Variants in CRISPLD2 observed in about 807,000 individuals in gnomAD.
The protein encoded by CRISPLD2 is cysteine rich secretory protein LCCL domain containing 2.
In CRISPLD2, 47 loss-of-function variants were observed where a neutral mutation model predicts 71.1. That is an observed-to-expected ratio of 0.66 (90% CI 0.52 to 0.84). The LOEUF (loss-of-function observed/expected upper bound fraction) is 0.84. Among genes scored for constraint, CRISPLD2 ranks in the 40% least tolerant of loss-of-function variants. The probability of loss-of-function intolerance (pLI) is 0.00; values close to 1 mark genes in which losing one functional copy is unlikely to be tolerated. For missense variants in CRISPLD2, 830 were observed against 651.1 expected (o/e 1.27, Z -2.99); for synonymous variants, 317 against 250.1 (o/e 1.27, Z -2.52).
intron 3 of CRISPLD2, among the ~76,000 whole-genome samples, chr16:84,848,100 C>T (rs905506057): frequency 2.0e-5 from 3 of 152,196 alleles, no homozygotes; most frequent in African/African-American, 7.2e-5. Flanking sequence ...CAAAAGAGCC[C>T]CTGACTCTGC....
Position 84,875,012 on chromosome 16 carries a change from G to A in CRISPLD2, c.1156+1049G>A, listed in dbSNP as rs9922294. On this transcript the variant is annotated intron_variant, in intron 11 of 14. Transcript: ENST00000262424. ...TCTCAGCACTTTGGGAGACTGAGGC[G>A]GGAGGATTGCTTGAGCCCAGGAGTT... 5.0e-3 allele frequency among the ~76,000 whole-genome samples: 763 copies of A among 152,240 alleles called. 8 individuals carry two copies. Among genetic ancestry groups the A allele is most frequent in the African/African-American group, 0.017 (713 of 41,536 alleles).
chr16:84,854,166 G>C (rs781248399), intron 5 of CRISPLD2, among the ~76,000 whole-genome samples: 39 of 152,182 alleles, frequency 2.6e-4, no homozygotes, highest in Non-Finnish European at 5.3e-4. Context: ...CTGTGACCTG[G>C]GGCAAGTCAC....
In CRISPLD2 at chr16:84,838,446, A is replaced by C; in HGVS notation, c.-50A>C. On this transcript the variant is annotated 5_prime_UTR_variant, in exon 2 of 15. Coordinates refer to ENST00000262424, the MANE Select transcript of CRISPLD2 (RefSeq NM_031476.4). Reference sequence around the variant, plus strand: ...GAGCTCAAGCGCCCAGCTCTGCCCGAGGAGCCCAGGCTGCCCCGTGAGTCC... The same window carrying C: ...GAGCTCAAGCGCCCAGCTCTGCCCGCGGAGCCCAGGCTGCCCCGTGAGTCC... 1 of 1,587,778 alleles carries C rather than the reference A, an allele frequency of 6.3e-7. No homozygotes were observed. The highest frequency in any genetic ancestry group is 1.1e-5 in the South Asian group (1 of 87,070).
intron 3 of CRISPLD2, among the ~76,000 whole-genome samples, chr16:84,846,539 C>G (rs1323141227): frequency 6.6e-6 from 1 of 152,174 alleles, no homozygotes; most frequent in Non-Finnish European, 1.5e-5. Context: ...CAGGCATGAG[C>G]CACCGCGCCT....
rs758975856 is a variant in CRISPLD2 at position 84,880,615 on chromosome 16, C to G, written c.1305+31C>G. The G allele has an allele frequency of 4.4e-6, 7 of 1,588,894 alleles. No individual in the cohort carries two copies. The South Asian group carries it at 4.4e-5, about 10-fold the overall frequency. Reference sequence around the variant, plus strand: ...TAGGATGCATTTTCAACAACTATCTCGCAAAGCCTGTTAAAGACCTCAACA... The same window carrying G: ...TAGGATGCATTTTCAACAACTATCTGGCAAAGCCTGTTAAAGACCTCAACA... On this transcript the variant is annotated intron_variant, in intron 13 of 14. Transcript: ENST00000262424.
chr16:84,882,580 T>C (rs1341607068), intron 13 of CRISPLD2, among the ~76,000 whole-genome samples: 2 of 152,102 alleles, frequency 1.3e-5, no homozygotes, highest in East Asian at 3.9e-4. Flanking sequence ...AATTTTTGTA[T>C]TTTTAGTAGA....
Position 84,873,934 on chromosome 16 carries a change from C to G in CRISPLD2, c.1127C>G (p.Ser376Cys), listed in dbSNP as rs1363266347. The G allele has an allele frequency of 1.5e-5, 23 of 1,579,416 alleles. No homozygotes were observed. The highest frequency in any genetic ancestry group is 1.9e-5 in the Non-Finnish European group (22 of 1,160,964). ...TTTTTAAACAGCAAATACAAACCTT[C>G]CAGCTCATTCATGGTGTCAAAAGTG... ...GVQSLSKYKP[S>C]SSFMVSKVKV... The change falls in exon 11 of 15, where the codon TCC (serine) becomes TGC (cysteine). Residue 376 changes from serine (S) to cysteine (C), a missense_variant. Transcript: ENST00000262424.
intron 2 of CRISPLD2, chr16:84,842,101 CT>C (rs917556168): frequency 6.5e-6 from 1 of 152,700 alleles, no homozygotes; most frequent in Non-Finnish European, 1.5e-5. Flanking sequence ...GGCTTTCTGT[CT>C]TTCTCCAAGC....
In CRISPLD2 at chr16:84,849,016, T is replaced by G. The variant is rs1200380390; in HGVS notation, c.360-369T>G. 8.6e-5 allele frequency among the ~76,000 whole-genome samples: 13 copies of G among 151,066 alleles called. No homozygotes were observed. In the South Asian group the frequency reaches 2.7e-3, roughly 32 times the overall value. ...AAAAAAAAAAAAAGAAAGGACTCAT[T>G]AAGAGCCAGGTGAAGAGATTCCTGC... On this transcript the variant is annotated intron_variant, in intron 3 of 14. Coordinates refer to ENST00000262424, the MANE Select transcript of CRISPLD2 (RefSeq NM_031476.4).
chr16:84,858,602 T>A (rs1184769199), intron 6 of CRISPLD2, among the ~76,000 whole-genome samples: 1 of 152,216 alleles, frequency 6.6e-6, no homozygotes, highest in Non-Finnish European at 1.5e-5. Flanking sequence ...CTGGATCCAA[T>A]CAGCAAAATG....
intron 14 of CRISPLD2, among the ~76,000 whole-genome samples, chr16:84,894,709 T>C (rs1421851685): frequency 6.6e-6 from 1 of 152,330 alleles, no homozygotes; most frequent in Non-Finnish European, 1.5e-5. Context: ...ATGTAATCAA[T>C]AGAAAATTAT....
intron 14 of CRISPLD2, among the ~76,000 whole-genome samples, chr16:84,900,360 G>A (rs1439402683): frequency 6.6e-6 from 1 of 152,120 alleles, no homozygotes; most frequent in African/African-American, 2.4e-5. Flanking sequence ...TCCAATCTGG[G>A]GGCTCTCTTT....
In CRISPLD2 at chr16:84,849,546, C is replaced by A. The variant is rs769215026; in HGVS notation, c.492+29C>A. 5.6e-6 allele frequency: 9 copies of A among 1,607,164 alleles called. No individual in the cohort carries two copies. In the South Asian group the frequency reaches 7.7e-5, roughly 14 times the overall value. On this transcript the variant is annotated intron_variant, in intron 4 of 14. Transcript: ENST00000262424. ...ACTCGGGGACTTGCCACGACCTCAGCCCTGCCCCCCAATCCCAGTCATTCA... is the reference window on the plus strand; with the variant it reads ...ACTCGGGGACTTGCCACGACCTCAGACCTGCCCCCCAATCCCAGTCATTCA...
At position 84,868,909 on chromosome 16, in the gene CRISPLD2, C is replaced by T; in HGVS notation, c.912C>T (p.Asn304=). The T allele has an allele frequency of 6.2e-7, 1 of 1,606,734 alleles. No individual in the cohort carries two copies. The highest frequency in any genetic ancestry group is 1.7e-5 in the Admixed American group (1 of 58,804). The change falls in exon 8 of 15, where the codon AAC becomes AAT. Residue 304 remains asparagine (N), a splice_region_variant and synonymous_variant. Transcript: ENST00000262424. Reference sequence around the variant, plus strand: ...ACAGGTGCAAAGGGTCCACGTGTAACAGGTGAGCCTGTGCTGGGCTGTCCT... The same window carrying T: ...ACAGGTGCAAAGGGTCCACGTGTAATAGGTGAGCCTGTGCTGGGCTGTCCT... ...MKDRCKGSTC[N]RYQCPAGCLN... is the part of the protein sequence containing the mutation.
At chr16:84,839,300 C>T (rs986293377) in intron 2 of CRISPLD2, 11 of 262,930 alleles carry the variant, frequency 4.2e-5, no homozygotes, top group Non-Finnish European at 6.8e-5. Context: ...CAGCTCTCAG[C>T]CTTTCCCACC....
chr16:84,901,364 A>T (rs1784460713), intron 14 of CRISPLD2, among the ~76,000 whole-genome samples: 1 of 151,500 alleles, frequency 6.6e-6, no homozygotes, highest in Non-Finnish European at 1.5e-5. Context: ...TGAGAGGGAG[A>T]GTGTTTTTTG....
intron 8 of CRISPLD2, 150 bp downstream of exon 8, chr16:84,869,061 G>A: frequency 1.5e-6 from 1 of 660,944 alleles, no homozygotes. Flanking sequence ...GTTAGGGCTG[G>A]GCAGTGTCTG....
intron 6 of CRISPLD2, among the ~76,000 whole-genome samples, chr16:84,864,563 C>A (rs1917484302): frequency 6.6e-6 from 1 of 152,216 alleles, no homozygotes; most frequent in African/African-American, 2.4e-5. Flanking sequence ...CCTGAAGCTT[C>A]CACCCATAGC....
rs764140927 is a variant in CRISPLD2 at position 84,872,509 on chromosome 16, G to GT, written c.981+2dup. 26 of 1,613,138 alleles carry GT rather than the reference G, an allele frequency of 1.6e-5. No homozygotes were observed. The highest frequency in any genetic ancestry group is 2.2e-5 in the Non-Finnish European group (26 of 1,179,344). On this transcript the variant is annotated splice_donor_variant, in intron 9 of 14. Coordinates refer to ENST00000262424, the MANE Select transcript of CRISPLD2 (RefSeq NM_031476.4). LOFTEE classifies it high-confidence loss of function. ...CTTTGGAACTCTGTTCTATGAAAGCGTGAGTGTGGCCAGTCCTCCTCTCAA... is the reference window on the plus strand; with the variant it reads ...CTTTGGAACTCTGTTCTATGAAAGCGTTGAGTGTGGCCAGTCCTCCTCTCAA...
Sources: gnomAD v4.1 joint callset for allele counts (sites outside exome capture counted in the v4.1 genomes callset) on GRCh38, gnomAD v4.1.1 for gene constraint, MANE v1.5 for transcripts, NCBI Gene and HGNC (gene_info 2026-07-23, HGNC 2026-07-21) for gene names.